The following COL24A1 variants were observed in gnomAD, a reference collection of about 807,000 sequenced individuals.
The protein encoded by COL24A1 is collagen type XXIV alpha 1 chain, also known as collagen alpha-1(XXIV) chain.
Under a neutral mutation model 253.9 loss-of-function variants are expected in COL24A1, and 224 were observed. The observed-to-expected ratio is 0.88, with a 90% CI of 0.79 to 0.99. COL24A1 has a LOEUF of 0.99. COL24A1 is among the 50% of genes least tolerant of loss of function. The pLI, the probability that COL24A1 is intolerant of heterozygous loss-of-function variation, is 0.00. For synonymous variants in COL24A1, 685 were observed against 673.7 expected, an observed-to-expected ratio of 1.02 and a Z score of -0.26; for missense variants, 2,131 against 2,068.5, an observed-to-expected ratio of 1.03 and a Z score of -0.59.
At chr1:85,971,071 C>A (rs1209623794) in intron 21 of COL24A1, among the ~76,000 whole-genome samples, 1 of 151,990 alleles carries the variant, frequency 6.6e-6, no homozygotes, top group Non-Finnish European at 1.5e-5. Flanking sequence ...ATTAGCCAGG[C>A]ATGGTGGTGC....
At chr1:86,024,722 A>G (rs1403663467) in intron 14 of COL24A1, among the ~76,000 whole-genome samples, 1 of 152,186 alleles carries the variant, frequency 6.6e-6, no homozygotes, top group Admixed American at 6.5e-5. Context: ...GTTTATTCAA[A>G]GTTCATAGCT....
At chr1:85,999,372 C>G (rs1237724396) in intron 19 of COL24A1, among the ~76,000 whole-genome samples, 4 of 152,106 alleles carry the variant, frequency 2.6e-5, no homozygotes, top group Non-Finnish European at 4.4e-5. Context: ...CACCTGTAGT[C>G]CCAGCACTTT....
intron 2 of COL24A1, among the ~76,000 whole-genome samples, chr1:86,139,702 CAT>C (rs144098781): frequency 0.068 from 10,354 of 152,142 alleles, 445 homozygotes; most frequent in East Asian, 0.14. Context: ...TTAAAATTTT[CAT>C]ATGTCTTGAT....
chr1:85,760,071 T>TG (rs1166242065), intron 55 of COL24A1, among the ~76,000 whole-genome samples: 3 of 149,646 alleles, frequency 2.0e-5, no homozygotes, highest in Non-Finnish European at 4.4e-5. Flanking sequence ...TTTTTTTTTT[T>TG]TTTGTTTGTT....
chr1:86,031,881 A>G lies in COL24A1; in HGVS notation c.2046T>C (p.Leu682=), dbSNP rs776327118. 1 of 1,607,054 alleles carries G rather than the reference A, an allele frequency of 6.2e-7. No homozygotes were observed. Among genetic ancestry groups the G allele is most frequent in the South Asian group, 1.1e-5 (1 of 89,738 alleles). ...GATGATATTTAGTGATACTCACTCT[A>G]AGCCCAGGAAACCCCGGAGGACCAG... ...GGTGPPGFPG[L]RGSVGPVGPI... Residue 682 remains leucine, a synonymous_variant, in exon 14 of 60, where the codon CTT becomes CTC. Coordinates refer to ENST00000370571, the MANE Select transcript of COL24A1 (RefSeq NM_152890.7).
At chr1:85,786,115 T>G (rs1185214613) in intron 48 of COL24A1, among the ~76,000 whole-genome samples, 1 of 152,214 alleles carries the variant, frequency 6.6e-6, no homozygotes, top group African/African-American at 2.4e-5. Flanking sequence ...ACATAGCATT[T>G]TTTAAAGCAT....
At chr1:86,040,975 TA>T (rs1367611975) in intron 12 of COL24A1, among the ~76,000 whole-genome samples, 1 of 152,168 alleles carries the variant, frequency 6.6e-6, no homozygotes. Flanking sequence ...GGGCTAAAGA[TA>T]AAAACTAATA....
chr1:85,883,605 T>G (rs541065222), intron 32 of COL24A1: 1 of 152,340 alleles, frequency 6.6e-6, no homozygotes, highest in Non-Finnish European at 1.5e-5. Context: ...TTTAAAACTT[T>G]TTAAAGTGGC....
At chr1:85,828,979 G>T (rs1334771724) in intron 43 of COL24A1, among the ~76,000 whole-genome samples, 1 of 151,800 alleles carries the variant, frequency 6.6e-6, no homozygotes, top group Non-Finnish European at 1.5e-5. Context: ...CTGTTAGCTG[G>T]TTATTTTGCT....
chr1:85,933,911 C>T (rs376542117), intron 24 of COL24A1, among the ~76,000 whole-genome samples: 3 of 152,072 alleles, frequency 2.0e-5, no homozygotes, highest in Admixed American at 1.3e-4. Context: ...AGACAAATTA[C>T]CCCCAAAAGT....
chr1:85,875,179 G>T, intron 34 of COL24A1, 98 bp downstream of exon 34: 2 of 1,040,302 alleles, frequency 1.9e-6, no homozygotes, highest in Non-Finnish European at 2.9e-6. Context: ...GCTTCCACCT[G>T]CTTTCAAGTT....
At chr1:85,814,093 C>T (rs917170069) in intron 47 of COL24A1, among the ~76,000 whole-genome samples, 1 of 152,140 alleles carries the variant, frequency 6.6e-6, no homozygotes, top group Non-Finnish European at 1.5e-5. Context: ...CTGTAAGCAA[C>T]CCAGTCACTA....
chr1:85,967,426 G>A (rs138678819), intron 22 of COL24A1, among the ~76,000 whole-genome samples: 20 of 152,300 alleles, frequency 1.3e-4, no homozygotes, highest in African/African-American at 4.8e-4. Context: ...AGACACAATG[G>A]AAAGGCAGCA....
intron 5 of COL24A1, among the ~76,000 whole-genome samples, chr1:86,099,633 T>C (rs1230167544): frequency 2.6e-5 from 4 of 152,192 alleles, no homozygotes; most frequent in Admixed American, 6.5e-5. Flanking sequence ...ACACTATATA[T>C]GTAATCTACC....
At chr1:85,906,535 C>T (rs1684857565) in intron 28 of COL24A1, among the ~76,000 whole-genome samples, 1 of 151,536 alleles carries the variant, frequency 6.6e-6, no homozygotes, top group Non-Finnish European at 1.5e-5. Context: ...TTTGAGAGCC[C>T]TGGTTCCCTC....
intron 19 of COL24A1, among the ~76,000 whole-genome samples, chr1:85,992,950 G>A (rs769559298): frequency 6.6e-6 from 1 of 152,056 alleles, no homozygotes; most frequent in Non-Finnish European, 1.5e-5. Flanking sequence ...GTGAAAATAT[G>A]TCTTCTGTTT....
chr1:85,894,128 A>G (rs1683413089), intron 31 of COL24A1, among the ~76,000 whole-genome samples: 1 of 152,174 alleles, frequency 6.6e-6, no homozygotes, highest in South Asian at 2.1e-4. Context: ...GGCTTTTTTC[A>G]GTTGACTTTT....
intron 47 of COL24A1, among the ~76,000 whole-genome samples, chr1:85,788,213 C>T (rs1212491741): frequency 3.3e-5 from 5 of 152,102 alleles, no homozygotes; most frequent in Non-Finnish European, 7.4e-5. Context: ...GCCTCAGCCT[C>T]CTGAGTAGCT....
chr1:85,894,384 G>T (rs1683441114), intron 31 of COL24A1, among the ~76,000 whole-genome samples: 1 of 152,062 alleles, frequency 6.6e-6, no homozygotes, highest in Non-Finnish European at 1.5e-5. Flanking sequence ...AATTGAGAAA[G>T]TCAAACATGA....
Sources: gnomAD v4.1 joint callset for allele counts (sites outside exome capture counted in the v4.1 genomes callset) on GRCh38, gnomAD v4.1.1 for gene constraint, MANE v1.5 for transcripts, NCBI Gene and HGNC (gene_info 2026-07-23, HGNC 2026-07-21) for gene names.